Variants in CNTNAP2 observed in about 807,000 individuals in gnomAD.
CNTNAP2 encodes the protein contactin-associated protein-like 2.
In CNTNAP2, 98 loss-of-function variants were observed where a neutral mutation model predicts 155.2. The ratio of observed to expected loss-of-function variants is 0.63; its 90% confidence interval spans 0.54 to 0.75. CNTNAP2 has a LOEUF of 0.75. CNTNAP2 is among the 30% of genes least tolerant of loss of function. The pLI is 0.00. For missense variants in CNTNAP2, 1,727 were observed against 1,688.1 expected (o/e 1.02, Z -0.40); for synonymous variants, 651 against 631.2 (o/e 1.03, Z -0.47).
chr7:146,362,555 A>C (rs762535732), intron 1 of CNTNAP2, among the ~76,000 whole-genome samples: 2 of 152,138 alleles, frequency 1.3e-5, no homozygotes, highest in African/African-American at 2.4e-5. Flanking sequence ...ATATCTGAGG[A>C]ACTTCAAAAA....
At chr7:148,173,538 G>A (rs1166652443) in intron 18 of CNTNAP2, among the ~76,000 whole-genome samples, 1 of 152,200 alleles carries the variant, frequency 6.6e-6, no homozygotes, top group African/African-American at 2.4e-5. Flanking sequence ...GCTACTGTTT[G>A]GCAGCGCTAT....
At chr7:147,224,203 T>G (rs955246627) in intron 8 of CNTNAP2, among the ~76,000 whole-genome samples, 3 of 152,212 alleles carry the variant, frequency 2.0e-5, no homozygotes, top group African/African-American at 7.2e-5. Flanking sequence ...CAATTTGCTC[T>G]GCTTTTTATG....
At chr7:147,283,931 A>G (rs191087597) in intron 8 of CNTNAP2, among the ~76,000 whole-genome samples, 3 of 151,838 alleles carry the variant, frequency 2.0e-5, no homozygotes, top group Admixed American at 2.0e-4. Context: ...TGACGTTACC[A>G]GGACTTCCCA....
chr7:146,498,631 T>C (rs1336965607), intron 1 of CNTNAP2, among the ~76,000 whole-genome samples: 1 of 151,644 alleles, frequency 6.6e-6, no homozygotes, highest in Admixed American at 6.6e-5. Flanking sequence ...GATTTGTTTA[T>C]ATACACTGTG....
intron 1 of CNTNAP2, among the ~76,000 whole-genome samples, chr7:146,627,254 C>T (rs565200998): frequency 2.6e-5 from 4 of 152,188 alleles, no homozygotes; most frequent in East Asian, 3.9e-4. Flanking sequence ...CTTCCTTCCA[C>T]GACATGTGAG....
At chr7:147,488,983 C>A (rs1247804801) in intron 11 of CNTNAP2, among the ~76,000 whole-genome samples, 1 of 152,220 alleles carries the variant, frequency 6.6e-6, no homozygotes, top group Non-Finnish European at 1.5e-5. Context: ...ACTTTCAGAG[C>A]AATTGTCCTT....
rs528467319 is a variant in CNTNAP2 at position 146,249,898 on chromosome 7, A to AAAT, written c.97+132927_97+132928insTAA. ...GAGACTTTTCTTGAAAAAAAGAAAA[A>AAAT]AAGAAATTTAAATTTTGAATGCTAC... On this transcript the variant is annotated intron_variant, in intron 1 of 23. Coordinates refer to ENST00000361727, the MANE Select transcript of CNTNAP2 (RefSeq NM_014141.6). Among the ~76,000 whole-genome samples, 1,141 of 152,300 alleles carry AAAT rather than the reference A, an allele frequency of 7.5e-3. 16 individuals carry two copies. The highest frequency in any genetic ancestry group is 0.025 in the African/African-American group (1,044 of 41,570).
intron 8 of CNTNAP2, among the ~76,000 whole-genome samples, chr7:147,281,624 C>T (rs1805036671): frequency 1.3e-5 from 2 of 151,528 alleles, no homozygotes; most frequent in Admixed American, 6.6e-5. Flanking sequence ...ATAATCCCTA[C>T]AATACTACTA....
chr7:147,066,223 G>C (rs949139041), intron 4 of CNTNAP2, among the ~76,000 whole-genome samples: 10 of 152,254 alleles, frequency 6.6e-5, no homozygotes, highest in African/African-American at 2.2e-4. Context: ...TGAAGATGCT[G>C]GTAGACTGTA....
In CNTNAP2 at chr7:147,638,382, A is replaced by C. The variant is rs541388378; in HGVS notation, c.1898-724A>C. Among the ~76,000 whole-genome samples the C allele has an allele frequency of 1.5e-4, 23 of 152,368 alleles. No individual in the cohort carries two copies. The South Asian group carries it at 2.9e-3, about 19-fold the overall frequency. On this transcript the variant is annotated intron_variant, in intron 12 of 23. Transcript: ENST00000361727. ...CTTTTTCAGTGCACAGAGGCAAGAC[A>C]TATGCCACATTTAAAATTAGATAAC...
chr7:147,169,877 C>A lies in CNTNAP2; in HGVS notation c.1348+37368C>A, dbSNP rs115682830. On this transcript the variant is annotated intron_variant, in intron 8 of 23. Transcript: ENST00000361727. ...TTGGTTTCCTTGAATTGAATTTCAA[C>A]GTTTCCCTGGATCTTGATGTGCTTT... Among the ~76,000 whole-genome samples, 900 of 152,228 alleles carry A rather than the reference C, an allele frequency of 5.9e-3. 5 individuals carry two copies. The highest frequency in any genetic ancestry group is 0.021 in the African/African-American group (858 of 41,528).
intron 8 of CNTNAP2, among the ~76,000 whole-genome samples, chr7:147,253,909 T>C (rs896819229): frequency 1.3e-5 from 2 of 152,194 alleles, no homozygotes; most frequent in Non-Finnish European, 2.9e-5. Flanking sequence ...GCATCAGTCT[T>C]ATTCCTATTT....
At chr7:147,261,515 C>G (rs1304876898) in intron 8 of CNTNAP2, among the ~76,000 whole-genome samples, 2 of 151,584 alleles carry the variant, frequency 1.3e-5, no homozygotes, top group Non-Finnish European at 2.9e-5. Context: ...AGAGAGAAAA[C>G]CTCTCGGTAC....
At chr7:146,806,110 A>G (rs560311865) in intron 2 of CNTNAP2, among the ~76,000 whole-genome samples, 1 of 152,316 alleles carries the variant, frequency 6.6e-6, no homozygotes, top group South Asian at 2.1e-4. Context: ...CATAGGTAAA[A>G]CACTAATTAT....
At chr7:147,072,980 G>C (rs541012649) in intron 4 of CNTNAP2, among the ~76,000 whole-genome samples, 1 of 149,968 alleles carries the variant, frequency 6.7e-6, no homozygotes, top group South Asian at 2.1e-4. Flanking sequence ...AGCCTCCCAA[G>C]TAGCTGGGAC....
At chr7:147,898,512 A>C (rs149049562) in intron 13 of CNTNAP2, among the ~76,000 whole-genome samples, 1 of 149,820 alleles carries the variant, frequency 6.7e-6, no homozygotes, top group Non-Finnish European at 1.5e-5. Flanking sequence ...ATTTTAACCC[A>C]TATACCCAGA....
intron 15 of CNTNAP2, among the ~76,000 whole-genome samples, chr7:148,022,302 T>C (rs1271753279): frequency 6.6e-6 from 1 of 151,930 alleles, no homozygotes; most frequent in Non-Finnish European, 1.5e-5. Context: ...ACTCCGTCTC[T>C]ACTAAAAACA....
intron 1 of CNTNAP2, among the ~76,000 whole-genome samples, chr7:146,425,490 G>A (rs1249066775): frequency 6.6e-6 from 1 of 152,160 alleles, no homozygotes; most frequent in Non-Finnish European, 1.5e-5. Context: ...ACATCTTTGA[G>A]GCTGTGGTCC....
intron 11 of CNTNAP2, among the ~76,000 whole-genome samples, chr7:147,509,798 C>T (rs946617636): frequency 3.3e-5 from 5 of 151,998 alleles, no homozygotes; most frequent in African/African-American, 7.2e-5. Context: ...GGAATGTGCT[C>T]AGAGGTTTTC....
Sources: allele counts gnomAD v4.1 joint callset (sites outside exome capture counted in the v4.1 genomes callset), GRCh38; gene constraint gnomAD v4.1.1; transcripts MANE v1.5; gene names NCBI Gene and HGNC (gene_info 2026-07-23, HGNC 2026-07-21).